GALNT2: variants seen among roughly 807,000 people sequenced by gnomAD.
The protein encoded by GALNT2 is UDP-GalNAc:polypeptide N-acetylgalactosaminyltransferase 2.
In GALNT2, 31 loss-of-function variants were observed where a neutral mutation model predicts 81.4. That is an observed-to-expected ratio of 0.38 (90% CI 0.29 to 0.51). GALNT2 has a LOEUF of 0.51. GALNT2 is among the 20% of genes least tolerant of loss of function. GALNT2 has a pLI of 0.87. For missense variants in GALNT2, 629 were observed against 765.7 expected, an observed-to-expected ratio of 0.82 and a Z score of 2.11; for synonymous variants, 303 against 287.4, an observed-to-expected ratio of 1.05 and a Z score of -0.55.
intron 1 of GALNT2, among the ~76,000 whole-genome samples, chr1:230,113,715 C>G (rs1660766104): frequency 6.6e-6 from 1 of 152,072 alleles, no homozygotes; most frequent in African/African-American, 2.4e-5. Context: ...ATGCTCTTCT[C>G]CTTGCCTTCA....
intron 1 of GALNT2, among the ~76,000 whole-genome samples, chr1:230,137,422 G>A (rs1661584900): frequency 6.6e-6 from 1 of 152,204 alleles, no homozygotes; most frequent in African/African-American, 2.4e-5. Flanking sequence ...CAGAGAGCCT[G>A]CAGGCTGCAG....
At chr1:230,250,687 AAC>A in intron 10 of GALNT2, 127 bp downstream of exon 10, 1 of 623,496 alleles carries the variant, frequency 1.6e-6, no homozygotes, top group East Asian at 2.8e-5. Context: ...GATCCTTGCA[AAC>A]ACATATGTAA....
chr1:230,101,785 T>G (rs1200147606), intron 1 of GALNT2, among the ~76,000 whole-genome samples: 1 of 152,246 alleles, frequency 6.6e-6, no homozygotes, highest in Non-Finnish European at 1.5e-5. Context: ...TTGCCCTCTC[T>G]TTCATCATGA....
intron 6 of GALNT2, among the ~76,000 whole-genome samples, chr1:230,237,758 C>G (rs2102737188): frequency 6.6e-6 from 1 of 152,162 alleles, no homozygotes; most frequent in Non-Finnish European, 1.5e-5. Flanking sequence ...GGGCAATTTG[C>G]TGCCCCCTAA....
chr1:230,108,175 GGCACAGTCCTGAAAGA>G (rs1181000429), intron 1 of GALNT2, among the ~76,000 whole-genome samples: 6 of 152,282 alleles, frequency 3.9e-5, no homozygotes, highest in East Asian at 1.9e-4. Context: ...TGAAGCAATA[GGCACAGTCCTGAAAGA>G]GCACAGTCCT....
intron 1 of GALNT2, among the ~76,000 whole-genome samples, chr1:230,096,125 G>A (rs929533492): frequency 6.6e-6 from 1 of 152,186 alleles, no homozygotes; most frequent in African/African-American, 2.4e-5. Context: ...GCCGGGCCAG[G>A]CTCACCTGGG....
intron 1 of GALNT2, among the ~76,000 whole-genome samples, chr1:230,081,689 G>C (rs1476700831): frequency 6.6e-6 from 1 of 152,202 alleles, no homozygotes; most frequent in East Asian, 1.9e-4. Context: ...CTTTGCTGAT[G>C]GCTCTAATTA....
chr1:230,180,379 C>T (rs1198655843), intron 2 of GALNT2, among the ~76,000 whole-genome samples: 3 of 145,330 alleles, frequency 2.1e-5, no homozygotes, highest in East Asian at 4.1e-4. Context: ...CTCTTCTCTC[C>T]GCTTTATTGC....
rs1666170439 is a variant in GALNT2, at chr1:230,271,915, AAGCTTCTC to A, written c.1441-2526_1441-2519del. On this transcript the variant is annotated intron_variant, in intron 14 of 15. Coordinates refer to ENST00000366672, the MANE Select transcript of GALNT2 (RefSeq NM_004481.5). The surrounding 1 kb of genome is among the most constrained non-coding windows in gnomAD (Gnocchi z 4.2). ...GGGGTGGCGGGGGACTGACGGTTTC[AAGCTTCTC>A]AGCATAACCTGGTCTTTCTGGTGAC... 6.6e-6 allele frequency among the ~76,000 whole-genome samples: 1 copy of A among 152,180 alleles called. No homozygotes were observed. Among genetic ancestry groups the A allele is most frequent in the Non-Finnish European group, 1.5e-5 (1 of 68,018 alleles).
intron 10 of GALNT2, 29 bp from the exon 11 acceptor site, chr1:230,255,189 A>G (rs1162542793): frequency 6.2e-7 from 1 of 1,614,128 alleles, no homozygotes; most frequent in Non-Finnish European, 8.5e-7. Flanking sequence ...AGGCTCTGTC[A>G]GTCACCTGTG....
chr1:230,095,808 A>T (rs1185793590), intron 1 of GALNT2, among the ~76,000 whole-genome samples: 1 of 152,148 alleles, frequency 6.6e-6, no homozygotes, highest in Non-Finnish European at 1.5e-5. Flanking sequence ...ATGCTAGAAG[A>T]CGTCCAGGCT....
intron 3 of GALNT2, among the ~76,000 whole-genome samples, chr1:230,226,869 A>G (rs187508377): frequency 2.2e-4 from 33 of 152,344 alleles, no homozygotes; most frequent in Admixed American, 5.9e-4. Flanking sequence ...AGAAGGTGGA[A>G]AAAACTGCAG....
At chr1:230,141,788 C>CTTTTTTTTTTTTTTTTTTTTTTTTT (rs60824749) in intron 1 of GALNT2, among the ~76,000 whole-genome samples, 1 of 101,326 alleles carries the variant, frequency 9.9e-6, no homozygotes. Flanking sequence ...TTTTGTTTTC[C>CTTTTTTTTTTTTTTTTTTTTTTTTT]TTTTTTTTTT....
At chr1:230,103,356 T>C (rs1046007909) in intron 1 of GALNT2, among the ~76,000 whole-genome samples, 5 of 152,226 alleles carry the variant, frequency 3.3e-5, no homozygotes, top group Non-Finnish European at 2.9e-5. Context: ...GCAACCTTGC[T>C]ACAGTCATGC....
chr1:230,159,247 T>C (rs1337898322), intron 1 of GALNT2, among the ~76,000 whole-genome samples: 2 of 152,222 alleles, frequency 1.3e-5, no homozygotes, highest in Non-Finnish European at 2.9e-5. Context: ...TGGTCCATGA[T>C]TGCTCCTTTC....
intron 6 of GALNT2, among the ~76,000 whole-genome samples, chr1:230,240,898 C>G (rs1265846412): frequency 6.6e-6 from 1 of 152,086 alleles, no homozygotes; most frequent in African/African-American, 2.4e-5. Context: ...ACTTTTCCCC[C>G]TTAATTTTTT....
chr1:230,278,100 C>T (rs898280565), intron 15 of GALNT2, among the ~76,000 whole-genome samples: 1 of 142,454 alleles, frequency 7.0e-6, no homozygotes. Context: ...GGGGATTTTT[C>T]TGTTTTTCTT....
intron 3 of GALNT2, among the ~76,000 whole-genome samples, chr1:230,209,548 A>G (rs903227279): frequency 3.3e-5 from 5 of 152,226 alleles, no homozygotes; most frequent in Admixed American, 2.0e-4. Flanking sequence ...GAGAAATACA[A>G]ATCTATTGTT....
intron 3 of GALNT2, among the ~76,000 whole-genome samples, chr1:230,215,107 G>C (rs1664348039): frequency 6.6e-6 from 1 of 152,226 alleles, no homozygotes; most frequent in Non-Finnish European, 1.5e-5. Context: ...TCGGTCTTTT[G>C]TGAGAGAGCT....
Sources: gnomAD v4.1 joint callset for allele counts (sites outside exome capture counted in the v4.1 genomes callset) on GRCh38, gnomAD v4.1.1 for gene constraint, Gnocchi (gnomAD v3.1) non-coding constraint, MANE v1.5 for transcripts, NCBI Gene and HGNC (gene_info 2026-07-23, HGNC 2026-07-21) for gene names.